THADA: variants seen among roughly 807,000 people sequenced by gnomAD.
The protein encoded by THADA is THADA armadillo repeat containing, also known as tRNA (32-2'-O)-methyltransferase regulator THADA.
A neutral mutation model predicts 219.8 loss-of-function variants in THADA; 213 were observed. The ratio of observed to expected loss-of-function variants is 0.97; its 90% CI spans 0.87 to 1.09. The LOEUF (loss-of-function observed/expected upper bound fraction) is 1.09, where lower values mean the gene tolerates loss of function less well. Among genes scored for constraint, THADA ranks in the 50% least tolerant of loss-of-function variants. THADA has a pLI of 0.00. For synonymous variants in THADA, 1,018 were observed against 828.9 expected, an observed-to-expected ratio of 1.23 and a Z score of -3.92; for missense variants, 2,956 against 2,311.3, an observed-to-expected ratio of 1.28 and a Z score of -5.72.
At chr2:43,267,024 G>GT (rs1671603209) in intron 36 of THADA, among the ~76,000 whole-genome samples, 1 of 152,184 alleles carries the variant, frequency 6.6e-6, no homozygotes, top group Non-Finnish European at 1.5e-5. Flanking sequence ...TATCTTTCTA[G>GT]TAAATTCTTG....
intron 25 of THADA, among the ~76,000 whole-genome samples, chr2:43,486,991 C>T (rs560395745): frequency 6.6e-6 from 1 of 152,288 alleles, no homozygotes; most frequent in Admixed American, 6.5e-5. Flanking sequence ...TACAGATATA[C>T]TGGCACAATC....
At chr2:43,550,438 C>T (rs1420125681) in intron 19 of THADA, among the ~76,000 whole-genome samples, 2 of 152,206 alleles carry the variant, frequency 1.3e-5, no homozygotes, top group South Asian at 2.1e-4. Context: ...CACGCAAAGA[C>T]CAAGAAAAGA....
intron 31 of THADA, among the ~76,000 whole-genome samples, chr2:43,307,772 A>C (rs906259557): frequency 8.5e-5 from 13 of 152,240 alleles, no homozygotes; most frequent in Admixed American, 3.3e-4. Context: ...GACAACATAA[A>C]ATTAACATTG....
chr2:43,231,984 G>A (rs1306514181), intron 37 of THADA, among the ~76,000 whole-genome samples: 1 of 148,054 alleles, frequency 6.8e-6, no homozygotes, highest in Non-Finnish European at 1.5e-5. Context: ...CCCTATCTGT[G>A]ACTGCACCCA....
intron 26 of THADA, among the ~76,000 whole-genome samples, chr2:43,481,585 C>T (rs1278650146): frequency 6.6e-6 from 1 of 152,218 alleles, no homozygotes; most frequent in African/African-American, 2.4e-5. Flanking sequence ...GTGTTCATCA[C>T]TCACATCACA....
At chr2:43,296,073 C>A (rs187575240) in intron 31 of THADA, among the ~76,000 whole-genome samples, 1 of 152,006 alleles carries the variant, frequency 6.6e-6, no homozygotes, top group East Asian at 1.9e-4. Context: ...GAGCATGCCA[C>A]CACGCCTGGC....
At chr2:43,556,609 A>C in intron 16 of THADA, 54 bp from the exon 17 acceptor site, 2 of 1,525,194 alleles carry the variant, frequency 1.3e-6, no homozygotes, top group Non-Finnish European at 1.8e-6. Flanking sequence ...CTTTAATTTA[A>C]AAAAATAGTA....
intron 26 of THADA, among the ~76,000 whole-genome samples, chr2:43,449,580 C>A (rs1682049075): frequency 6.6e-6 from 1 of 152,032 alleles, no homozygotes; most frequent in African/African-American, 2.4e-5. Context: ...GAAGCCCGGG[C>A]AACATGGTGA....
chr2:43,290,593 T>C (rs1278442114), intron 34 of THADA, among the ~76,000 whole-genome samples: 1 of 152,208 alleles, frequency 6.6e-6, no homozygotes, highest in African/African-American at 2.4e-5. Flanking sequence ...GAGCATTTAA[T>C]GTAATTATCT....
chr2:43,377,166 C>T (rs1188461507), intron 29 of THADA, among the ~76,000 whole-genome samples: 2 of 152,174 alleles, frequency 1.3e-5, no homozygotes, highest in Non-Finnish European at 2.9e-5. Context: ...GTGGAGGAGT[C>T]TGCAAATGCC....
chr2:43,510,631 T>C (rs1690287247), intron 22 of THADA, among the ~76,000 whole-genome samples: 1 of 149,674 alleles, frequency 6.7e-6, no homozygotes, highest in Non-Finnish European at 1.5e-5. Context: ...TGATATAGAT[T>C]ACTGCCTTCT....
At chr2:43,450,942 G>C (rs1170168915) in intron 26 of THADA, among the ~76,000 whole-genome samples, 1 of 152,208 alleles carries the variant, frequency 6.6e-6, no homozygotes, top group Non-Finnish European at 1.5e-5. Flanking sequence ...TGGGGCACTG[G>C]AGGAAAAGGG....
At chr2:43,424,106 A>G (rs1004799350) in intron 28 of THADA, among the ~76,000 whole-genome samples, 4 of 152,216 alleles carry the variant, frequency 2.6e-5, no homozygotes, top group African/African-American at 7.2e-5. Context: ...GATTGACATT[A>G]TAAGTTCTGT....
At chr2:43,379,065 A>G (rs921184610) in intron 29 of THADA, among the ~76,000 whole-genome samples, 3 of 152,250 alleles carry the variant, frequency 2.0e-5, no homozygotes, top group Non-Finnish European at 2.9e-5. Flanking sequence ...TATGTTAGCA[A>G]GCATAAATAC....
chr2:43,594,533 G>A (rs1445975717), intron 1 of THADA, among the ~76,000 whole-genome samples: 1 of 152,054 alleles, frequency 6.6e-6, no homozygotes, highest in South Asian at 2.1e-4. Flanking sequence ...GCAGTGAGCC[G>A]AGATCGTGCC....
At chr2:43,254,374 T>A (rs1670101563) in intron 36 of THADA, among the ~76,000 whole-genome samples, 1 of 151,906 alleles carries the variant, frequency 6.6e-6, no homozygotes, top group Admixed American at 6.6e-5. Context: ...AATTATGTCA[T>A]GTCTTAAGCC....
Position 43,287,109 on chromosome 2 carries a change from G to T in THADA, c.5011-48C>A, listed in dbSNP as rs752052444. On this transcript the variant is annotated intron_variant, in intron 34 of 37. Transcript: ENST00000405975. The stretch of plus-strand genomic sequence containing the variant: ...TCAGTAGTTCAGAAGATGCAACAAG[G>T]GCTGACACAGAATTAGGGGTGACCT... 2.6e-6 allele frequency: 4 copies of T among 1,551,718 alleles called. No homozygotes were observed. In the Admixed American group the frequency reaches 5.6e-5, roughly 22 times the overall value.
chr2:43,476,721 C>A (rs1308501023), intron 26 of THADA, among the ~76,000 whole-genome samples: 1 of 152,154 alleles, frequency 6.6e-6, no homozygotes, highest in Non-Finnish European at 1.5e-5. Context: ...GCACTCTTCA[C>A]CCACCCCACA....
At chr2:43,553,446 G>C (rs1360204925) in intron 17 of THADA, among the ~76,000 whole-genome samples, 1 of 152,154 alleles carries the variant, frequency 6.6e-6, no homozygotes, top group African/African-American at 2.4e-5. Context: ...GCCAGAGCTT[G>C]CTCTCTCTTC....
Sources: gnomAD v4.1 joint callset for allele counts (sites outside exome capture counted in the v4.1 genomes callset) on GRCh38, gnomAD v4.1.1 for gene constraint, MANE v1.5 for transcripts, NCBI Gene and HGNC (gene_info 2026-07-23, HGNC 2026-07-21) for gene names.